FOXO1: variants seen among roughly 807,000 people sequenced by gnomAD.
FOXO1 encodes the protein forkhead box O1.
In FOXO1, 6 loss-of-function variants were observed where a neutral mutation model predicts 44.1. The observed-to-expected ratio is 0.14, with a 90% CI of 0.07 to 0.27. FOXO1 has a LOEUF of 0.27. FOXO1 is among the 10% of genes least tolerant of loss of function. FOXO1 has a pLI of 1.00. For missense variants in FOXO1, 737 were observed against 888.8 expected (o/e 0.83, Z 2.17); for synonymous variants, 380 against 362.7 (o/e 1.05, Z -0.54).
chr13:40,579,532 G>A (rs749591522), intron 1 of FOXO1, among the ~76,000 whole-genome samples: 2 of 152,060 alleles, frequency 1.3e-5, no homozygotes, highest in Non-Finnish European at 2.9e-5. Flanking sequence ...GCAAGGTATA[G>A]GAAGGAACAA....
chr13:40,561,908 C>G (rs1274753735), intron 1 of FOXO1, among the ~76,000 whole-genome samples: 2 of 147,300 alleles, frequency 1.4e-5, no homozygotes, highest in African/African-American at 5.1e-5. Flanking sequence ...TGAGATCACT[C>G]CAGCCTGGGC....
intron 1 of FOXO1, among the ~76,000 whole-genome samples, chr13:40,640,629 T>C (rs1410451201): frequency 6.6e-6 from 1 of 152,178 alleles, no homozygotes; most frequent in Non-Finnish European, 1.5e-5. Flanking sequence ...TAGTAAAATG[T>C]GGATGAAAGC....
chr13:40,623,300 T>G (rs942344912), intron 1 of FOXO1, among the ~76,000 whole-genome samples: 35 of 152,268 alleles, frequency 2.3e-4, no homozygotes, highest in African/African-American at 8.4e-4. Context: ...GGGGTCCGTG[T>G]GGGGCATTAG....
chr13:40,581,644 ACT>A (rs1442807437), intron 1 of FOXO1, among the ~76,000 whole-genome samples: 2 of 152,204 alleles, frequency 1.3e-5, no homozygotes, highest in East Asian at 1.9e-4. Flanking sequence ...TTCAACAGAA[ACT>A]CTATCCCACC....
chr13:40,659,824 G>A (rs1201280789), intron 1 of FOXO1, among the ~76,000 whole-genome samples: 1 of 152,116 alleles, frequency 6.6e-6, no homozygotes, highest in Admixed American at 6.5e-5. Context: ...AATGAATAAA[G>A]CAAGTTTTTA....
At position 40,560,701 on chromosome 13, in the gene FOXO1, C is replaced by A; in HGVS notation, c.790G>T (p.Ala264Ser). The A allele has an allele frequency of 6.2e-7, 1 of 1,614,218 alleles. No homozygotes were observed. Among genetic ancestry groups the A allele is most frequent in the Non-Finnish European group, 8.5e-7 (1 of 1,180,046 alleles). The change falls in exon 2 of 3, where the codon GCT (alanine) becomes TCT (serine). Residue 264 changes from alanine (A) to serine (S), a missense_variant. Coordinates refer to ENST00000379561, the MANE Select transcript of FOXO1 (RefSeq NM_002015.4). This position sits in a 1 kb window ranked among gnomAD's most constrained non-coding sequence, Gnocchi z 5.1. The part of the protein sequence containing the change: ...AASMDNNSKF[A>S]KSRSRAAKKK... ...TTGGCAGCTCGGCTTCGGCTCTTAG[C>A]AAATTTACTGTTGTTGTCCATGGAT...
chr13:40,589,454 T>A (rs566166478), intron 1 of FOXO1, among the ~76,000 whole-genome samples: 25 of 152,366 alleles, frequency 1.6e-4, no homozygotes, highest in African/African-American at 4.8e-4. Context: ...AGAAACAGTA[T>A]GTAAGTGTCA....
At chr13:40,575,331 A>G (rs779050031) in intron 1 of FOXO1, among the ~76,000 whole-genome samples, 1 of 152,180 alleles carries the variant, frequency 6.6e-6, no homozygotes, top group Non-Finnish European at 1.5e-5. Flanking sequence ...ACAAAAATAA[A>G]TAAATAAGGG....
intron 1 of FOXO1, among the ~76,000 whole-genome samples, chr13:40,570,543 TATTTCAGAGTAAC>T (rs1298191914): frequency 5.3e-5 from 8 of 152,212 alleles, no homozygotes; most frequent in Non-Finnish European, 7.3e-5. Context: ...AAGGTCTAAA[TATTTCAGAGTAAC>T]ATTTCAGCCA....
intron 1 of FOXO1, among the ~76,000 whole-genome samples, chr13:40,644,399 C>T (rs2137926294): frequency 6.6e-6 from 1 of 152,200 alleles, no homozygotes; most frequent in Non-Finnish European, 1.5e-5. Flanking sequence ...ACTTTACTGC[C>T]TCTAACAGAA....
chr13:40,636,517 C>CAT, intron 1 of FOXO1, among the ~76,000 whole-genome samples: 1 of 121,952 alleles, frequency 8.2e-6, no homozygotes, highest in African/African-American at 3.2e-5. Flanking sequence ...TTTTCAAAAA[C>CAT]TTTTTTTTTT....
chr13:40,607,660 T>C (rs980676866), intron 1 of FOXO1, among the ~76,000 whole-genome samples: 14 of 152,270 alleles, frequency 9.2e-5, no homozygotes, highest in African/African-American at 3.1e-4. Context: ...TACATCTCTA[T>C]ACACTCAATG....
rs542570636 is a variant in FOXO1 at position 40,638,336 on chromosome 13, T to A, written c.630+27247A>T. The stretch of plus-strand genomic sequence containing the variant: ...AAGGAGATAACTTATAGAGGAACGT[T>A]GAAGTGATGTAAGGAAGACATTATA... On this transcript the variant is annotated intron_variant, in intron 1 of 2. Coordinates refer to ENST00000379561, the MANE Select transcript of FOXO1 (RefSeq NM_002015.4). 7.2e-5 allele frequency among the ~76,000 whole-genome samples: 11 copies of A among 152,268 alleles called. No homozygotes were observed. The South Asian group carries it at 1.4e-3, about 20-fold the overall frequency.
chr13:40,630,568 T>C (rs1048455040), intron 1 of FOXO1, among the ~76,000 whole-genome samples: 3 of 151,872 alleles, frequency 2.0e-5, no homozygotes, highest in Admixed American at 6.6e-5. Context: ...GGCAGGATAA[T>C]TGCTTGAACC....
At chr13:40,610,924 A>G (rs997062037) in intron 1 of FOXO1, 1 of 335,156 alleles carries the variant, frequency 3.0e-6, no homozygotes, top group Non-Finnish European at 6.0e-6. Context: ...AAGACAGCCA[A>G]AATCTTCTAC....
chr13:40,632,307 A>G (rs548925056), intron 1 of FOXO1, among the ~76,000 whole-genome samples: 1 of 152,326 alleles, frequency 6.6e-6, no homozygotes, highest in South Asian at 2.1e-4. Context: ...AATGGGAGCA[A>G]TTATTTGTAA....
chr13:40,617,765 AAACT>A (rs1290345078), intron 1 of FOXO1, among the ~76,000 whole-genome samples: 6 of 152,232 alleles, frequency 3.9e-5, no homozygotes, highest in African/African-American at 1.4e-4. Flanking sequence ...AAGAAGGCAA[AAACT>A]AACATGATAT....
chr13:40,654,158 A>G (rs1877777608), intron 1 of FOXO1, among the ~76,000 whole-genome samples: 1 of 151,658 alleles, frequency 6.6e-6, no homozygotes. Flanking sequence ...GAACTGCTCA[A>G]AGAATGAATG....
At chr13:40,653,656 A>C in intron 1 of FOXO1, among the ~76,000 whole-genome samples, 1 of 152,136 alleles carries the variant, frequency 6.6e-6, no homozygotes, top group Admixed American at 6.5e-5. Context: ...AATCATGCGC[A>C]TTGGCTTTTT....
Sources: allele counts gnomAD v4.1 joint callset (sites outside exome capture counted in the v4.1 genomes callset), GRCh38; gene constraint gnomAD v4.1.1; non-coding constraint Gnocchi (gnomAD v3.1); transcripts MANE v1.5; gene names NCBI Gene and HGNC (gene_info 2026-07-23, HGNC 2026-07-21).